The following SLC5A12 variants were observed in gnomAD, a reference collection of about 807,000 sequenced individuals.
The protein encoded by SLC5A12 is sodium-coupled monocarboxylate transporter 2.
SLC5A12 carries 46 observed loss-of-function variants against 72.7 expected under a neutral mutation model. The observed-to-expected ratio is 0.63, with a 90% CI of 0.50 to 0.81. The LOEUF (loss-of-function observed/expected upper bound fraction) is 0.81. Ranked by LOEUF, SLC5A12 falls within the 30% of genes least tolerant of loss-of-function variation. The pLI, the probability that SLC5A12 is intolerant of heterozygous loss-of-function variation, is 0.00. For synonymous variants in SLC5A12, 275 were observed against 264.4 expected, an observed-to-expected ratio of 1.04 and a Z score of -0.39; for missense variants, 683 against 740.7, an observed-to-expected ratio of 0.92 and a Z score of 0.90.
intron 8 of SLC5A12, among the ~76,000 whole-genome samples, chr11:26,694,808 T>C (rs1240394298): frequency 2.0e-5 from 3 of 152,184 alleles, no homozygotes; most frequent in Non-Finnish European, 4.4e-5. Context: ...TTAGCATAAA[T>C]ACATGCATTT....
intron 4 of SLC5A12, among the ~76,000 whole-genome samples, chr11:26,706,344 T>A (rs551664711): frequency 1.1e-3 from 166 of 152,140 alleles, no homozygotes; most frequent in South Asian, 4.3e-3. Context: ...ATCAGTAAAG[T>A]TGCATGAAGA....
In SLC5A12 at chr11:26,678,381, GT is replaced by G. The variant is rs1157223842; in HGVS notation, c.1579+330del. ...ATATATGTTTTTTTGTTTGGTTGGG[GT>G]TTTTTTTGGTTTTTTGAGACGGAGC... On this transcript the variant is annotated intron_variant, in intron 13 of 14. Coordinates refer to ENST00000396005, the MANE Select transcript of SLC5A12 (RefSeq NM_178498.4). Among the ~76,000 whole-genome samples the G allele has an allele frequency of 7.3e-5, 11 of 151,502 alleles. No homozygotes were observed. In the South Asian group the frequency reaches 1.7e-3, roughly 23 times the overall value.
At position 26,697,892 on chromosome 11, in the gene SLC5A12, C is replaced by CTTTTTT. The variant is rs34284911; in HGVS notation, c.951+508_951+513dup. ...CTTTAAGAACAAGGTGAGATGCCGTCTTTTTTTTTTTTTTTTTTTTTTGAG... is the reference window on the plus strand; with the variant it reads ...CTTTAAGAACAAGGTGAGATGCCGTCTTTTTTTTTTTTTTTTTTTTTTTTTTTTGAG... On this transcript the variant is annotated intron_variant, in intron 7 of 14. Transcript: ENST00000396005. 7.4e-4 allele frequency among the ~76,000 whole-genome samples: 70 copies of CTTTTTT among 93,976 alleles called. 2 individuals are homozygous for CTTTTTT. Among genetic ancestry groups the CTTTTTT allele is most frequent in the African/African-American group, 2.5e-3 (57 of 23,150 alleles). 61.7% of individuals were successfully genotyped at this position (93,976 alleles called of 152,430 possible). A position where few individuals can be genotyped will look rare whatever the true frequency, so the allele number is the denominator to read the frequency against.
intron 4 of SLC5A12, among the ~76,000 whole-genome samples, chr11:26,705,925 TACACAC>T (rs71047876): frequency 0.13 from 17,282 of 129,404 alleles, 1,240 homozygotes; most frequent in Non-Finnish European, 0.17. Flanking sequence ...TTCTCTGTCA[TACACAC>T]ACACACACAC....
At chr11:26,675,626 G>A (rs1410801184) in intron 13 of SLC5A12, among the ~76,000 whole-genome samples, 1 of 152,158 alleles carries the variant, frequency 6.6e-6, no homozygotes, top group African/African-American at 2.4e-5. Flanking sequence ...CATGCTTATA[G>A]AGGAAATGTC....
chr11:26,714,338 T>C (rs116658064), intron 1 of SLC5A12, among the ~76,000 whole-genome samples: 1,526 of 152,238 alleles, frequency 0.01, 33 homozygotes, highest in African/African-American at 0.034. Context: ...AAATATGATA[T>C]AGTCCATACC....
At chr11:26,695,305 T>A (rs1275101642) in intron 8 of SLC5A12, among the ~76,000 whole-genome samples, 1 of 152,064 alleles carries the variant, frequency 6.6e-6, no homozygotes, top group Non-Finnish European at 1.5e-5. Flanking sequence ...AAGTAATATT[T>A]CAAGTCAGCA....
At chr11:26,680,724 ACTT>A (rs1250506529) in intron 12 of SLC5A12, among the ~76,000 whole-genome samples, 1 of 151,842 alleles carries the variant, frequency 6.6e-6, no homozygotes, top group African/African-American at 2.4e-5. Flanking sequence ...TTGCTCACAA[ACTT>A]CTTCTACTGA....
Position 26,669,195 on chromosome 11 carries a change from C to CTTTCTTTCTTTCTT in SLC5A12, c.*1893_*1906dup, listed in dbSNP as rs1854077045. 2 of 69,834 alleles carry CTTTCTTTCTTTCTT rather than the reference C, an allele frequency of 2.9e-5. No individual in the cohort carries two copies. Among genetic ancestry groups the CTTTCTTTCTTTCTT allele is most frequent in the East Asian group, 3.6e-4 (1 of 2,770 alleles). 4.3% of individuals were successfully genotyped at this position (69,834 alleles called of 1,614,324 possible). A position where few individuals can be genotyped will look rare whatever the true frequency, so the allele number is the denominator to read the frequency against. The stretch of plus-strand genomic sequence containing the variant: ...TCTTTCTTTCTTTCTTCTTTTCTTT[C>CTTTCTTTCTTTCTT]TTTCTTTCTTTCTTTCTTTCTTTCT... On this transcript the variant is annotated 3_prime_UTR_variant, in exon 15 of 15. Coordinates refer to ENST00000396005, the MANE Select transcript of SLC5A12 (RefSeq NM_178498.4).
chr11:26,701,110 G>A (rs1293553829), intron 6 of SLC5A12, among the ~76,000 whole-genome samples: 1 of 151,982 alleles, frequency 6.6e-6, no homozygotes, highest in East Asian at 1.9e-4. Flanking sequence ...GCCCCTGAGT[G>A]CCCTCAAGGC....
intron 11 of SLC5A12, among the ~76,000 whole-genome samples, chr11:26,681,983 C>T (rs1854419724): frequency 6.6e-6 from 1 of 151,910 alleles, no homozygotes; most frequent in African/African-American, 2.4e-5. Flanking sequence ...GAAATTTAAT[C>T]AGTGTGTGTG....
rs757950702 is a variant in SLC5A12 at position 26,721,669 on chromosome 11, C to A, written c.46G>T (p.Ala16Ser). ...ATTCCAGAGGAAATGAAAAAGAGGG[C>A]TGCAAATACAACATAATCCCAAACT... ...FAVWDYVVFA[A>S]LFFISSGIGV... is the part of the protein sequence containing the mutation. The change falls in exon 1 of 15, where the codon GCC becomes TCC. Residue 16 changes from alanine (A) to serine (S), a missense_variant. Physicochemically the swap from Ala to Ser is moderately conservative, Grantham distance 99. Transcript: ENST00000396005. 2 of 1,614,138 alleles carry A rather than the reference C, an allele frequency of 1.2e-6. No homozygotes were observed. Among genetic ancestry groups the A allele is most frequent in the South Asian group, 2.2e-5 (2 of 91,080 alleles).
chr11:26,712,612 C>A, intron 2 of SLC5A12, 29 bp downstream of exon 2: 1 of 1,488,582 alleles, frequency 6.7e-7, no homozygotes, highest in Non-Finnish European at 9.2e-7. Context: ...CTCACAGTTT[C>A]CACATCTGCA....
At chr11:26,722,315 C>T (rs1855498759), upstream of SLC5A12, among the ~76,000 whole-genome samples, 1 of 152,264 alleles carries the variant, frequency 6.6e-6, no homozygotes, top group East Asian at 1.9e-4. Context: ...AATTCAGAGA[C>T]CTTTGCTCGA....
At chr11:26,708,300 G>C (rs1306813490) in intron 4 of SLC5A12, among the ~76,000 whole-genome samples, 1 of 151,916 alleles carries the variant, frequency 6.6e-6, no homozygotes, top group African/African-American at 2.4e-5. Flanking sequence ...TGAGGTCAGA[G>C]GTAAGAGGAG....
rs947823759 is a variant in SLC5A12, at chr11:26,697,364, G to C, written c.952-112C>G. 7.8e-5 allele frequency: 69 copies of C among 880,804 alleles called. No homozygotes were observed. In the Middle Eastern group the frequency reaches 1.5e-3, roughly 20 times the overall value. 54.6% of individuals were successfully genotyped at this position (880,804 alleles called of 1,614,324 possible). On this transcript the variant is annotated intron_variant, in intron 7 of 14. Coordinates refer to ENST00000396005, the MANE Select transcript of SLC5A12 (RefSeq NM_178498.4). ...TGGTCTTCTCATCAGTGTTTGAAAT[G>C]TGGGAACATAGCTGTTTAGCAAAAG...
At position 26,721,936 on chromosome 11, in the gene SLC5A12, G is replaced by T; in HGVS notation, c.-222C>A. 1 of 538,234 alleles carries T rather than the reference G, an allele frequency of 1.9e-6. No individual in the cohort carries two copies. The highest frequency in any genetic ancestry group is 3.5e-5 in the Admixed American group (1 of 28,876). 33.3% of individuals were successfully genotyped at this position (538,234 alleles called of 1,614,324 possible). On this transcript the variant is annotated 5_prime_UTR_variant, in exon 1 of 15. Transcript: ENST00000396005. ...CAAAGAAGAATCTGGTGGTGGTATT[G>T]GCACCAAGAGATGAGAATTTGAAAT...
intron 2 of SLC5A12, among the ~76,000 whole-genome samples, chr11:26,712,345 T>A (rs1368206844): frequency 6.6e-6 from 1 of 152,078 alleles, no homozygotes. Context: ...AACCTAGTTA[T>A]CAGACCATTT....
intron 11 of SLC5A12, among the ~76,000 whole-genome samples, chr11:26,682,267 T>C (rs1288414045): frequency 6.6e-6 from 1 of 152,068 alleles, no homozygotes; most frequent in Non-Finnish European, 1.5e-5. Context: ...TCCCAACCAT[T>C]TAAAAAATGT....
Sources: gnomAD v4.1 joint callset for allele counts (sites outside exome capture counted in the v4.1 genomes callset) on GRCh38, gnomAD v4.1.1 for gene constraint, MANE v1.5 for transcripts, NCBI Gene and HGNC (gene_info 2026-07-23, HGNC 2026-07-21) for gene names.